Variants in VRK3 observed in about 807,000 individuals in gnomAD.
VRK3 encodes VRK serine/threonine kinase 3, also known as serine/threonine-protein kinase VRK3.
VRK3 carries 50 observed loss-of-function variants against 60.4 expected under a neutral mutation model. The ratio of observed to expected loss-of-function variants is 0.83; its 90% CI spans 0.66 to 1.05. The LOEUF (loss-of-function observed/expected upper bound fraction) is 1.05, where lower values mean the gene tolerates loss of function less well. Ranked by LOEUF, VRK3 falls within the 50% of genes least tolerant of loss-of-function variation. The probability of loss-of-function intolerance (pLI) is 0.00; values close to 1 mark genes in which losing one functional copy is unlikely to be tolerated. For missense variants in VRK3, 549 were observed against 585.3 expected, an observed-to-expected ratio of 0.94 and a Z score of 0.64; for synonymous variants, 246 against 227.8, an observed-to-expected ratio of 1.08 and a Z score of -0.72.
At chr19:49,992,162 C>A (rs1050012861) in intron 10 of VRK3, among the ~76,000 whole-genome samples, 2 of 152,170 alleles carry the variant, frequency 1.3e-5, no homozygotes, top group Non-Finnish European at 2.9e-5. Flanking sequence ...AATCCCAGCA[C>A]CTTGGGAGGC....
intron 6 of VRK3, 158 bp from the exon 7 acceptor site, chr19:49,997,728 T>G (rs1600683826): frequency 3.0e-6 from 2 of 672,050 alleles, no homozygotes; most frequent in Non-Finnish European, 5.0e-6. Flanking sequence ...CAAACACACA[T>G]CAGAGACTGC....
Position 50,012,479 on chromosome 19 carries a change from C to T in VRK3, c.140-3094G>A, listed in dbSNP as rs78132219. On this transcript the variant is annotated intron_variant, in intron 3 of 14. Transcript: ENST00000316763. ...GGGCTGTCTCATTTCTTACTATAATCCTCGGGACAAATACAGCACCTCAGC... is the reference window on the plus strand; with the variant it reads ...GGGCTGTCTCATTTCTTACTATAATTCTCGGGACAAATACAGCACCTCAGC... Among the ~76,000 whole-genome samples the T allele has an allele frequency of 3.4e-3, 513 of 152,256 alleles. 1 individual carries two copies. The highest frequency in any genetic ancestry group is 5.2e-3 in the Non-Finnish European group (351 of 68,012).
intron 3 of VRK3, among the ~76,000 whole-genome samples, chr19:50,011,250 C>T (rs2076989865): frequency 6.6e-6 from 1 of 152,226 alleles, no homozygotes; most frequent in African/African-American, 2.4e-5. Context: ...TTCTCATCTC[C>T]ATGGACTCCC....
At chr19:50,010,579 C>T (rs2076978524) in intron 3 of VRK3, among the ~76,000 whole-genome samples, 1 of 152,236 alleles carries the variant, frequency 6.6e-6, no homozygotes, top group South Asian at 2.1e-4. Context: ...AGTGTGAATT[C>T]TGGCCCCAAA....
At chr19:50,008,096 AC>A (rs758185467) in intron 4 of VRK3, among the ~76,000 whole-genome samples, 6 of 152,178 alleles carry the variant, frequency 3.9e-5, no homozygotes, top group Non-Finnish European at 7.3e-5. Context: ...ACAGGGCAGT[AC>A]AGACAGATAT....
At chr19:49,988,578 C>T in intron 11 of VRK3, 86 bp from the exon 12 acceptor site, 2 of 1,522,108 alleles carry the variant, frequency 1.3e-6, no homozygotes, top group Non-Finnish European at 1.8e-6. Flanking sequence ...CCCTCTCTCT[C>T]ACTGACTCAA....
Position 49,995,205 on chromosome 19 carries a change from G to A in VRK3, c.750C>T (p.His250=), listed in dbSNP as rs1439292883. ...AIPTCMGFGV[H]QDKYRFLVLP... ...GAGCAGCTCACCTGTATTTGTCCTG[G>A]TGAACACCGAAACCCATGCAGGTAG... Residue 250 remains histidine (H), a synonymous_variant, in exon 8 of 15, where the codon CAC becomes CAT. Transcript: ENST00000316763. 1.2e-6 allele frequency: 2 copies of A among 1,614,078 alleles called. No individual in the cohort carries two copies. Among genetic ancestry groups the A allele is most frequent in the East Asian group, 2.2e-5 (1 of 44,898 alleles).
chr19:50,011,802 C>T (rs2076999553), intron 3 of VRK3, among the ~76,000 whole-genome samples: 1 of 148,060 alleles, frequency 6.8e-6, no homozygotes, highest in South Asian at 2.1e-4. Context: ...TTCCTCACTC[C>T]TCCAGTGTGT....
In VRK3 at chr19:50,007,734, A is replaced by T. The variant is rs117711287; in HGVS notation, c.382T>A (p.Cys128Ser). 1 of 1,582,964 alleles carries T rather than the reference A, an allele frequency of 6.3e-7. No homozygotes were observed. Among genetic ancestry groups the T allele is most frequent in the Non-Finnish European group, 8.5e-7 (1 of 1,177,882 alleles). The change falls in exon 5 of 15, where the codon TGT becomes AGT. Residue 128 changes from cysteine to serine, a missense_variant. By Grantham distance (112) the Cys-to-Ser change is moderately radical (BLOSUM62 -1). Transcript: ENST00000316763. ...CTCTGCCTGGTCTTCTGAGGGCTAC[A>T]GCTGGTCTTCTGAGGGCTACCCCTG... ...VTRGSPQKTS[C>S]SPQKTRQSPQ...
chr19:50,019,696 T>TTTTTTTTTTTTTC (rs2077138573), intron 2 of VRK3, among the ~76,000 whole-genome samples: 1 of 114,768 alleles, frequency 8.7e-6, no homozygotes, highest in Non-Finnish European at 1.6e-5. Context: ...TTTTTTTTTT[T>TTTTTTTTTTTTTC]TTTTTTTTTT....
At chr19:49,981,203 A>ACAG in intron 12 of VRK3, 190 bp from the exon 13 acceptor site, 2 of 622,114 alleles carry the variant, frequency 3.2e-6, no homozygotes, top group East Asian at 2.8e-5. Flanking sequence ...CCCAAGGGAA[A>ACAG]CAGCACTGCT....
chr19:50,014,638 A>G (rs1175950807), intron 3 of VRK3, among the ~76,000 whole-genome samples: 1 of 152,096 alleles, frequency 6.6e-6, no homozygotes, highest in Non-Finnish European at 1.5e-5. Flanking sequence ...ATGCAGGCCC[A>G]TAAGGGAAGA....
At chr19:49,993,763 T>C (rs2076653177) in intron 9 of VRK3, among the ~76,000 whole-genome samples, 1 of 152,034 alleles carries the variant, frequency 6.6e-6, no homozygotes, top group Non-Finnish European at 1.5e-5. Flanking sequence ...CCAACCCTCT[T>C]TGACCCCAGG....
intron 4 of VRK3, among the ~76,000 whole-genome samples, chr19:50,008,350 G>GGGTGT (rs2076936382): frequency 6.6e-6 from 1 of 152,176 alleles, no homozygotes; most frequent in African/African-American, 2.4e-5. Flanking sequence ...AGAATGGGGT[G>GGGTGT]GGTGTGGTGG....
At chr19:50,005,137 AGCCC>A (rs1284719931) in intron 5 of VRK3, among the ~76,000 whole-genome samples, 1 of 149,046 alleles carries the variant, frequency 6.7e-6, no homozygotes, top group Admixed American at 6.6e-5. Context: ...TTGAGCCAAC[AGCCC>A]CAGGAGACAG....
intron 5 of VRK3, among the ~76,000 whole-genome samples, chr19:50,002,951 C>T (rs2076833819): frequency 6.6e-6 from 1 of 152,224 alleles, no homozygotes; most frequent in South Asian, 2.1e-4. Flanking sequence ...TGGGACCCAT[C>T]CTGACCCTAA....
intron 5 of VRK3, among the ~76,000 whole-genome samples, chr19:50,004,421 T>G (rs28416420): frequency 6.6e-6 from 1 of 152,146 alleles, no homozygotes; most frequent in African/African-American, 2.4e-5. Flanking sequence ...TCTTTCTCCC[T>G]GCCCTCTCCT....
intron 5 of VRK3, among the ~76,000 whole-genome samples, chr19:50,003,230 G>A (rs574523557): frequency 6.6e-6 from 1 of 152,256 alleles, no homozygotes; most frequent in South Asian, 2.1e-4. Context: ...CTCCCCTCCG[G>A]CCTCCAGAAG....
chr19:50,002,626 C>T (rs577166511), intron 5 of VRK3, among the ~76,000 whole-genome samples: 3 of 152,308 alleles, frequency 2.0e-5, no homozygotes, highest in Non-Finnish European at 4.4e-5. Flanking sequence ...AAGCTTTTCT[C>T]TTTCACTTTT....
Sources: gnomAD v4.1 joint callset for allele counts (sites outside exome capture counted in the v4.1 genomes callset) on GRCh38, gnomAD v4.1.1 for gene constraint, MANE v1.5 for transcripts, NCBI Gene and HGNC (gene_info 2026-07-23, HGNC 2026-07-21) for gene names.